The following FOXN3 variants were observed in gnomAD, a reference collection of about 807,000 sequenced individuals.
The protein encoded by FOXN3 is forkhead box N3.
In FOXN3, 7 loss-of-function variants were observed where a neutral mutation model predicts 38.4. The ratio of observed to expected loss-of-function variants is 0.18; its 90% CI spans 0.10 to 0.34. FOXN3 has a LOEUF of 0.34. Among genes scored for constraint, FOXN3 ranks in the 10% least tolerant of loss-of-function variants. The pLI, the probability that FOXN3 is intolerant of heterozygous loss-of-function variation, is 1.00. For synonymous variants in FOXN3, 230 were observed against 242.2 expected (o/e 0.95, Z 0.47); for missense variants, 456 against 613.4 (o/e 0.74, Z 2.71).
At chr14:89,592,677 T>C (rs1185646996) in intron 1 of FOXN3, among the ~76,000 whole-genome samples, 4 of 152,222 alleles carry the variant, frequency 2.6e-5, no homozygotes, top group Non-Finnish European at 5.9e-5. Context: ...AGAGATACTT[T>C]CAGAGATGAA....
At chr14:89,410,100 C>G (rs1417818420) in intron 2 of FOXN3, among the ~76,000 whole-genome samples, 2 of 151,806 alleles carry the variant, frequency 1.3e-5, no homozygotes, top group Non-Finnish European at 2.9e-5. Context: ...CCAAGCCCCG[C>G]GTCCCCACCC....
intron 2 of FOXN3, among the ~76,000 whole-genome samples, chr14:89,383,537 C>T (rs902575104): frequency 5.3e-5 from 8 of 152,152 alleles, no homozygotes; most frequent in Admixed American, 6.5e-5. Flanking sequence ...ATCAAGGAGC[C>T]GACAGGACCT....
intron 1 of FOXN3, among the ~76,000 whole-genome samples, chr14:89,529,435 C>G (rs1353536425): frequency 1.3e-5 from 2 of 152,178 alleles, no homozygotes; most frequent in South Asian, 4.1e-4. Context: ...ATTGCAAAGT[C>G]TAGATGCTTT....
At chr14:89,607,485 G>A (rs575969376) in intron 1 of FOXN3, among the ~76,000 whole-genome samples, 2 of 151,758 alleles carry the variant, frequency 1.3e-5, no homozygotes, top group African/African-American at 4.8e-5. Flanking sequence ...CTTGGACTCG[G>A]GAGATGGGGG....
intron 4 of FOXN3, among the ~76,000 whole-genome samples, chr14:89,215,427 T>C (rs1039527829): frequency 2.6e-5 from 4 of 152,002 alleles, no homozygotes; most frequent in South Asian, 2.1e-4. Flanking sequence ...TACTGTTTCA[T>C]GTTTGATTTT....
At chr14:89,425,193 C>T (rs569091668) in intron 1 of FOXN3, among the ~76,000 whole-genome samples, 1 of 151,480 alleles carries the variant, frequency 6.6e-6, no homozygotes, top group Non-Finnish European at 1.5e-5. Context: ...ACCTCAGCCT[C>T]CCAAGTAGCT....
At chr14:89,340,322 C>T (rs1391399607) in intron 3 of FOXN3, among the ~76,000 whole-genome samples, 2 of 152,064 alleles carry the variant, frequency 1.3e-5, no homozygotes, top group Non-Finnish European at 2.9e-5. Context: ...AGTAAACACA[C>T]AGGAAACATG....
intron 1 of FOXN3, among the ~76,000 whole-genome samples, chr14:89,425,966 A>C (rs1426147916): frequency 6.6e-6 from 1 of 152,182 alleles, no homozygotes; most frequent in Non-Finnish European, 1.5e-5. Flanking sequence ...TTTATCCATA[A>C]GGCATACCAC....
intron 1 of FOXN3, among the ~76,000 whole-genome samples, chr14:89,457,993 G>A (rs1050788301): frequency 6.0e-5 from 8 of 133,688 alleles, no homozygotes; most frequent in Middle Eastern, 5.1e-3. Context: ...TTGCGCCATC[G>A]CACTCCAGCC....
At chr14:89,165,262 T>G (rs537633289) in intron 5 of FOXN3, among the ~76,000 whole-genome samples, 1 of 152,316 alleles carries the variant, frequency 6.6e-6, no homozygotes, top group East Asian at 1.9e-4. Flanking sequence ...TACTGGTGAC[T>G]TTGAGCAGGC....
At chr14:89,275,487 A>G (rs1390981624) in intron 4 of FOXN3, among the ~76,000 whole-genome samples, 2 of 152,194 alleles carry the variant, frequency 1.3e-5, no homozygotes, top group African/African-American at 2.4e-5. Context: ...CAAGGTCACA[A>G]AGTTTACCAA....
At chr14:89,314,555 T>C (rs1451839811) in intron 3 of FOXN3, among the ~76,000 whole-genome samples, 1 of 152,234 alleles carries the variant, frequency 6.6e-6, no homozygotes. Context: ...AAGATACTTT[T>C]AGAAAATTCC....
intron 1 of FOXN3, among the ~76,000 whole-genome samples, chr14:89,524,547 C>G (rs1213582242): frequency 6.6e-6 from 1 of 151,210 alleles, no homozygotes; most frequent in Non-Finnish European, 1.5e-5. Context: ...TTGGGAAGAT[C>G]AATAAAACTC....
chr14:89,310,793 T>TCTAGTTGACATGAAAAATC, intron 3 of FOXN3, among the ~76,000 whole-genome samples: 1 of 152,220 alleles, frequency 6.6e-6, no homozygotes, highest in Non-Finnish European at 1.5e-5. Flanking sequence ...TTAGTTAGCA[T>TCTAGTTGACATGAAAAATC]CTAGTTGACA....
intron 1 of FOXN3, among the ~76,000 whole-genome samples, chr14:89,563,698 G>C (rs1046178818): frequency 2.0e-5 from 3 of 152,114 alleles, no homozygotes; most frequent in African/African-American, 7.2e-5. Context: ...GCAGGTGTGA[G>C]GGACATTTGG....
intron 1 of FOXN3, among the ~76,000 whole-genome samples, chr14:89,480,203 C>T (rs533145789): frequency 6.6e-6 from 1 of 152,074 alleles, no homozygotes; most frequent in African/African-American, 2.4e-5. Context: ...CAGATCGAGA[C>T]CATCCTGGCT....
intron 3 of FOXN3, among the ~76,000 whole-genome samples, chr14:89,335,077 TCACACACACACACACACACACA>T (rs72014136): frequency 3.6e-5 from 5 of 139,342 alleles, no homozygotes; most frequent in South Asian, 2.6e-4. Flanking sequence ...TATTTTCATA[TCACACACACACACACACACACA>T]CACACACACA....
chr14:89,283,767 T>C (rs940987670), intron 3 of FOXN3, among the ~76,000 whole-genome samples: 1 of 152,204 alleles, frequency 6.6e-6, no homozygotes, highest in African/African-American at 2.4e-5. Context: ...TACATGACCC[T>C]AGGATCAAGT....
intron 2 of FOXN3, among the ~76,000 whole-genome samples, chr14:89,366,294 T>C (rs1025806947): frequency 2.0e-5 from 3 of 151,604 alleles, no homozygotes; most frequent in Admixed American, 6.6e-5. Context: ...GAAAAAAACA[T>C]GCACATTTGA....
Sources: allele counts gnomAD v4.1 joint callset (sites outside exome capture counted in the v4.1 genomes callset), GRCh38; gene constraint gnomAD v4.1.1; transcripts MANE v1.5; gene names NCBI Gene and HGNC (gene_info 2026-07-23, HGNC 2026-07-21).